SLC22A23: variants seen among roughly 807,000 people sequenced by gnomAD.
The protein encoded by SLC22A23 is solute carrier family 22 member 23.
Under a neutral mutation model 61.0 loss-of-function variants are expected in SLC22A23, and 26 were observed. That is an observed-to-expected ratio of 0.43 (90% CI 0.31 to 0.59). The LOEUF is 0.59. SLC22A23 is among the 20% of genes least tolerant of loss of function. SLC22A23 has a pLI of 0.11. For synonymous variants in SLC22A23, 430 were observed against 413.9 expected (o/e 1.04, Z -0.47); for missense variants, 796 against 934.7 (o/e 0.85, Z 1.94).
At position 3,322,608 on chromosome 6, in the gene SLC22A23, T is replaced by C. The variant is rs1328254060; in HGVS notation, c.1082+1226A>G. Among the ~76,000 whole-genome samples, 1 of 152,148 alleles carries C rather than the reference T, an allele frequency of 6.6e-6. No individual in the cohort carries two copies. The highest frequency in any genetic ancestry group is 2.4e-5 in the African/African-American group (1 of 41,426). On this transcript the variant is annotated intron_variant, in intron 4 of 9. Transcript: ENST00000406686. The surrounding 1 kb of genome is among the most constrained non-coding windows in gnomAD (Gnocchi z 4.1). ...GTGGCCTTTTCCCATCTGCTATTGCTGGCCCCCTGCTGCTGCCGAGGTCCT... is the reference window on the plus strand; with the variant it reads ...GTGGCCTTTTCCCATCTGCTATTGCCGGCCCCCTGCTGCTGCCGAGGTCCT...
At chr6:3,331,839 G>A (rs1763596029) in intron 3 of SLC22A23, among the ~76,000 whole-genome samples, 1 of 152,208 alleles carries the variant, frequency 6.6e-6, no homozygotes, top group African/African-American at 2.4e-5. Flanking sequence ...CCCATCCACT[G>A]GAATTCTTTC....
At position 3,270,814 on chromosome 6, in the gene SLC22A23, G is replaced by A. The variant is rs1758428122; in HGVS notation, c.*2241C>T. The stretch of plus-strand genomic sequence containing the variant: ...ACCAACTTCCTAGAGATTTCGGGCA[G>A]CACTCTACAGCTTCAATTTCCAAAA... On this transcript the variant is annotated 3_prime_UTR_variant, in exon 10 of 10. Transcript: ENST00000406686. The A allele has an allele frequency of 6.6e-6, 1 of 151,520 alleles. No individual in the cohort carries two copies. The highest frequency in any genetic ancestry group is 1.5e-5 in the Non-Finnish European group (1 of 67,958). 9.4% of individuals were successfully genotyped at this position (151,520 alleles called of 1,614,324 possible).
chr6:3,431,278 G>A (rs947065855), intron 1 of SLC22A23, among the ~76,000 whole-genome samples: 5 of 152,224 alleles, frequency 3.3e-5, no homozygotes, highest in Non-Finnish European at 7.3e-5. Context: ...GACTTAAAAT[G>A]CAATGAAAAT....
In SLC22A23 at chr6:3,455,975, G is replaced by C; in HGVS notation, c.585C>G (p.Ala195=). Residue 195 remains alanine (A), a synonymous_variant, in exon 1 of 10, where the codon GCC becomes GCG. Coordinates refer to ENST00000406686, the MANE Select transcript of SLC22A23 (RefSeq NM_015482.2). ...CCCATGCGCGGCAGTCACAGTTGGAGGCGTTGTCCCCCTTGTCCGGAGGGG... is the reference window on the plus strand; with the variant it reads ...CCCATGCGCGGCAGTCACAGTTGGACGCGTTGTCCCCCTTGTCCGGAGGGG... ...LPSPPDKGDN[A]SNCDCRAWDY... The C allele has an allele frequency of 6.5e-7, 1 of 1,545,788 alleles. No individual in the cohort carries two copies. Among genetic ancestry groups the C allele is most frequent in the Non-Finnish European group, 8.7e-7 (1 of 1,145,080 alleles).
At position 3,372,066 on chromosome 6, in the gene SLC22A23, G is replaced by A. The variant is rs147821974; in HGVS notation, c.913+38122C>T. On this transcript the variant is annotated intron_variant, in intron 3 of 9. Transcript: ENST00000406686. The surrounding 1 kb of genome is among the most constrained non-coding windows in gnomAD (Gnocchi z 4.7). Reference sequence around the variant, plus strand: ...TCCCTAATTTACAGATGAGGAAACTGAGGAACAGTTCCTAGCCCATGCTTA... The same window carrying A: ...TCCCTAATTTACAGATGAGGAAACTAAGGAACAGTTCCTAGCCCATGCTTA... 4.1e-4 allele frequency among the ~76,000 whole-genome samples: 62 copies of A among 152,314 alleles called. No individual in the cohort carries two copies. The highest frequency in any genetic ancestry group is 1.4e-3 in the African/African-American group (59 of 41,564).
intron 3 of SLC22A23, among the ~76,000 whole-genome samples, chr6:3,403,968 A>G (rs1581827638): frequency 6.6e-6 from 1 of 152,204 alleles, no homozygotes; most frequent in African/African-American, 2.4e-5. Context: ...GGAGTCTGCA[A>G]TCCAGCTCAG....
intron 1 of SLC22A23, among the ~76,000 whole-genome samples, chr6:3,436,153 C>G (rs957691153): frequency 4.1e-4 from 61 of 148,514 alleles, no homozygotes; most frequent in Non-Finnish European, 4.5e-5. Flanking sequence ...GAAATGTCAT[C>G]TATACTTTTT....
At chr6:3,395,951 C>A (rs113720736) in intron 3 of SLC22A23, among the ~76,000 whole-genome samples, 1 of 152,086 alleles carries the variant, frequency 6.6e-6, no homozygotes, top group African/African-American at 2.4e-5. Flanking sequence ...TTGGAAGTTA[C>A]GAGAACTCAT....
chr6:3,416,173 G>A (rs536305660), intron 1 of SLC22A23, among the ~76,000 whole-genome samples: 12 of 152,350 alleles, frequency 7.9e-5, no homozygotes, highest in African/African-American at 2.6e-4. Flanking sequence ...GGGCAGCCAC[G>A]GAGACCAGGC....
chr6:3,447,681 C>T lies in SLC22A23; in HGVS notation c.654+8225G>A, dbSNP rs183580020. Among the ~76,000 whole-genome samples the T allele has an allele frequency of 4.3e-4, 65 of 149,590 alleles. No individual in the cohort carries two copies. The East Asian group carries it at 9.2e-3, about 21-fold the overall frequency. ...TCGGCTCACTGCAAGCTCCGCCTCC[C>T]GGGTTCACGCCATTCTCCTGCCTCA... is the stretch of plus-strand genomic sequence containing the variant. On this transcript the variant is annotated intron_variant, in intron 1 of 9. Coordinates refer to ENST00000406686, the MANE Select transcript of SLC22A23 (RefSeq NM_015482.2).
chr6:3,399,320 C>T (rs1240023628), intron 3 of SLC22A23, among the ~76,000 whole-genome samples: 1 of 152,222 alleles, frequency 6.6e-6, no homozygotes, highest in Non-Finnish European at 1.5e-5. Flanking sequence ...TTTGGGCCAG[C>T]AATCGGAATG....
chr6:3,278,019 C>T (rs1219064405), intron 9 of SLC22A23, among the ~76,000 whole-genome samples: 2 of 152,208 alleles, frequency 1.3e-5, no homozygotes, highest in Non-Finnish European at 2.9e-5. Flanking sequence ...CCTACCAGTG[C>T]CTGACTTGGT....
chr6:3,323,798 C>T (rs747225223), intron 4 of SLC22A23, 36 bp downstream of exon 4: 15 of 1,579,758 alleles, frequency 9.5e-6, no homozygotes, highest in African/African-American at 4.0e-5. Context: ...CATGTGCAGT[C>T]GCACCAGCCC....
chr6:3,403,442 C>T (rs1768573268), intron 3 of SLC22A23, among the ~76,000 whole-genome samples: 1 of 152,022 alleles, frequency 6.6e-6, no homozygotes, highest in Non-Finnish European at 1.5e-5. Flanking sequence ...AAAGGATTTC[C>T]AGCAGGGGCC....
rs750151166 is a variant in SLC22A23, at chr6:3,327,895, C to A, written c.914-3893G>T. Reference sequence around the variant, plus strand: ...GCATGAAACAAAGTTTTGACTGAGACCCATCATATAAGGTCATGTGTGAAA... The same window carrying A: ...GCATGAAACAAAGTTTTGACTGAGAACCATCATATAAGGTCATGTGTGAAA... On this transcript the variant is annotated intron_variant, in intron 3 of 9. Coordinates refer to ENST00000406686, the MANE Select transcript of SLC22A23 (RefSeq NM_015482.2). This position sits in a 1 kb window ranked among gnomAD's most constrained non-coding sequence, Gnocchi z 4.1. Among the ~76,000 whole-genome samples, 13 of 151,952 alleles carry A rather than the reference C, an allele frequency of 8.6e-5. No individual in the cohort carries two copies. The highest frequency in any genetic ancestry group is 1.9e-4 in the Non-Finnish European group (13 of 67,996).
At chr6:3,408,099 C>T (rs1768956087) in intron 3 of SLC22A23, among the ~76,000 whole-genome samples, 1 of 152,216 alleles carries the variant, frequency 6.6e-6, no homozygotes, top group African/African-American at 2.4e-5. Context: ...TTTCAGGCTA[C>T]AATGGCAGAG....
intron 1 of SLC22A23, among the ~76,000 whole-genome samples, chr6:3,437,214 C>T (rs1201661057): frequency 2.0e-5 from 3 of 151,238 alleles, no homozygotes; most frequent in African/African-American, 7.3e-5. Flanking sequence ...AAACCATTTG[C>T]TTATACTTAA....
At position 3,427,173 on chromosome 6, in the gene SLC22A23, C is replaced by G. The variant is rs924988329; in HGVS notation, c.655-11318G>C. ...GGGGGCTCAGTTTTAACATCTATGA[C>G]GTAGGAGTCGCAAAACCTTCACCAG... On this transcript the variant is annotated intron_variant, in intron 1 of 9. Coordinates refer to ENST00000406686, the MANE Select transcript of SLC22A23 (RefSeq NM_015482.2). The surrounding 1 kb of genome is among the most constrained non-coding windows in gnomAD (Gnocchi z 4.3). Among the ~76,000 whole-genome samples the G allele has an allele frequency of 6.6e-6, 1 of 152,112 alleles. No individual in the cohort carries two copies. The highest frequency in any genetic ancestry group is 6.5e-5 in the Admixed American group (1 of 15,272).
At chr6:3,452,899 G>T (rs545494593) in intron 1 of SLC22A23, among the ~76,000 whole-genome samples, 352 of 152,300 alleles carry the variant, frequency 2.3e-3, no homozygotes, top group African/African-American at 8.2e-3. Context: ...CATGCTACAT[G>T]AGCCTAAAAC....
Sources: gnomAD v4.1 joint callset for allele counts (sites outside exome capture counted in the v4.1 genomes callset) on GRCh38, gnomAD v4.1.1 for gene constraint, Gnocchi (gnomAD v3.1) non-coding constraint, MANE v1.5 for transcripts, NCBI Gene and HGNC (gene_info 2026-07-23, HGNC 2026-07-21) for gene names.